Variants in PNLIP observed in about 807,000 individuals in gnomAD.
PNLIP encodes the protein pancreatic triacylglycerol lipase.
In PNLIP, 49 loss-of-function variants were observed where a neutral mutation model predicts 57.1. That is an observed-to-expected ratio of 0.86 (90% CI 0.68 to 1.09). The LOEUF is 1.09. Ranked by LOEUF, PNLIP falls within the 50% of genes least tolerant of loss-of-function variation. The pLI is 0.00. For missense variants in PNLIP, 503 were observed against 570.2 expected (o/e 0.88, Z 1.20); for synonymous variants, 209 against 200.4 (o/e 1.04, Z -0.36).
At chr10:116,553,617 T>A in intron 5 of PNLIP, 110 bp from the exon 6 acceptor site, 1 of 716,832 alleles carries the variant, frequency 1.4e-6, no homozygotes, top group East Asian at 2.7e-5. Flanking sequence ...TTTATGATGT[T>A]CCCACAACAA....
chr10:116,562,163 A>C (rs987819349), intron 12 of PNLIP, among the ~76,000 whole-genome samples: 1 of 152,212 alleles, frequency 6.6e-6, no homozygotes, highest in African/African-American at 2.4e-5. Flanking sequence ...GGTGATAATC[A>C]TAACAATACC....
At chr10:116,552,661 C>T (rs567626662) in intron 5 of PNLIP, among the ~76,000 whole-genome samples, 250 of 152,016 alleles carry the variant, frequency 1.6e-3, no homozygotes, top group Non-Finnish European at 2.8e-3. Flanking sequence ...CCGAGGCGGG[C>T]GGATCATGAG....
chr10:116,563,069 A>T (rs757438382), intron 12 of PNLIP, among the ~76,000 whole-genome samples: 1 of 152,222 alleles, frequency 6.6e-6, no homozygotes, highest in African/African-American at 2.4e-5. Context: ...TCGACACCAA[A>T]ACAAAACTGA....
intron 12 of PNLIP, among the ~76,000 whole-genome samples, chr10:116,563,541 C>T (rs1847336043): frequency 6.6e-6 from 1 of 152,090 alleles, no homozygotes; most frequent in Non-Finnish European, 1.5e-5. Flanking sequence ...ATCCCTCGCC[C>T]CTCCCACTCT....
At position 116,562,183 on chromosome 10, in the gene PNLIP, C is replaced by T. The variant is rs1476696125; in HGVS notation, c.1334+547C>T. On this transcript the variant is annotated intron_variant, in intron 12 of 12. Transcript: ENST00000369221. ...TAATCATAACAATACCAATACTAGA[C>T]CAAGTATTTCTGAGTATTAGGCCAA... Among the ~76,000 whole-genome samples, 4 of 152,238 alleles carry T rather than the reference C, an allele frequency of 2.6e-5. No homozygotes were observed. The East Asian group carries it at 7.7e-4, about 29-fold the overall frequency.
Position 116,560,551 on chromosome 10 carries a change from T to A in PNLIP, c.1169+27T>A, listed in dbSNP as rs749680680. 10 of 124,632 alleles carry A rather than the reference T, an allele frequency of 8.0e-5. No homozygotes were observed. In the East Asian group the frequency reaches 1.5e-3, roughly 19 times the overall value. 7.7% of individuals were successfully genotyped at this position (124,632 alleles called of 1,614,324 possible). ...TGAGTAAAATAATATTGCTCTATGC[T>A]TTTTTTTTTTTTTTTTTTTGAGTCG... On this transcript the variant is annotated intron_variant, in intron 11 of 12. Transcript: ENST00000369221.
Position 116,547,442 on chromosome 10 carries a change from C to T in PNLIP, c.195C>T (p.Asn65=). ...FLLYTNENPN[N]FQEVAADSSS... Reference sequence around the variant, plus strand: ...TATATACTAATGAGAACCCAAACAACTTTCAAGTAAGAACTATCACTGTGT... The same window carrying T: ...TATATACTAATGAGAACCCAAACAATTTTCAAGTAAGAACTATCACTGTGT... The change falls in exon 3 of 13, where the codon AAC becomes AAT. Residue 65 remains asparagine (N), a synonymous_variant. Coordinates refer to ENST00000369221, the MANE Select transcript of PNLIP (RefSeq NM_000936.4). 1 of 1,611,634 alleles carries T rather than the reference C, an allele frequency of 6.2e-7. No individual in the cohort carries two copies. The highest frequency in any genetic ancestry group is 8.5e-7 in the Non-Finnish European group (1 of 1,179,248).
intron 5 of PNLIP, 150 bp from the exon 6 acceptor site, chr10:116,553,577 G>A: frequency 3.0e-6 from 2 of 655,768 alleles, no homozygotes; most frequent in Non-Finnish European, 5.5e-6. Context: ...TAGGTAGTAG[G>A]CTATGCCATC....
At chr10:116,548,295 C>T in intron 3 of PNLIP, 65 bp from the exon 4 acceptor site, 1 of 1,541,614 alleles carries the variant, frequency 6.5e-7, no homozygotes, top group Non-Finnish European at 8.9e-7. Context: ...TGCCCCTCTC[C>T]ATGTACAAAT....
intron 11 of PNLIP, 22 bp downstream of exon 11, chr10:116,560,546 T>C: frequency 1.1e-6 from 1 of 900,598 alleles, no homozygotes. Context: ...AATATTGCTC[T>C]ATGCTTTTTT....
intron 12 of PNLIP, among the ~76,000 whole-genome samples, chr10:116,565,830 GAC>G (rs984663408): frequency 2.6e-5 from 4 of 151,326 alleles, no homozygotes; most frequent in African/African-American, 9.7e-5. Flanking sequence ...TTTTTTTTGA[GAC>G]AGAGTCTTGC....
chr10:116,552,138 A>C (rs1847200284), intron 5 of PNLIP, among the ~76,000 whole-genome samples: 1 of 152,222 alleles, frequency 6.6e-6, no homozygotes, highest in South Asian at 2.1e-4. Flanking sequence ...TACCACATAT[A>C]ATTATGTACA....
intron 12 of PNLIP, among the ~76,000 whole-genome samples, chr10:116,563,960 T>A (rs1847339627): frequency 6.6e-6 from 1 of 152,146 alleles, no homozygotes; most frequent in South Asian, 2.1e-4. Flanking sequence ...AATAAGACCC[T>A]TTTTTAGGTC....
intron 12 of PNLIP, among the ~76,000 whole-genome samples, chr10:116,564,419 G>A (rs113613144): frequency 7.0e-4 from 106 of 152,126 alleles, no homozygotes; most frequent in Middle Eastern, 3.4e-3. Flanking sequence ...CTGTTAACCT[G>A]GAATTTATAC....
At chr10:116,559,331 A>AGC (rs761398566) in intron 10 of PNLIP, 48 bp downstream of exon 10, 1 of 1,385,008 alleles carries the variant, frequency 7.2e-7, no homozygotes, top group South Asian at 1.2e-5. Context: ...TATATATTTT[A>AGC]TTATTATGTC....
Position 116,558,355 on chromosome 10 carries a change from C to T in PNLIP, c.931-799C>T, listed in dbSNP as rs536460831. On this transcript the variant is annotated intron_variant, in intron 9 of 12. Transcript: ENST00000369221. ...GACTACAGGCGCCCGCCACCATGCC[C>T]GGCTAATTTTTTGTATTTTTAGTAG... 3.7e-3 allele frequency among the ~76,000 whole-genome samples: 568 copies of T among 151,616 alleles called. 5 individuals carry two copies. Among genetic ancestry groups the T allele is most frequent in the African/African-American group, 0.013 (518 of 41,336 alleles).
At chr10:116,566,123 T>C (rs978531567) in intron 12 of PNLIP, among the ~76,000 whole-genome samples, 2 of 152,212 alleles carry the variant, frequency 1.3e-5, no homozygotes, top group African/African-American at 4.8e-5. Flanking sequence ...GCAGCTTTTA[T>C]TGTAACAGCC....
At chr10:116,560,342 G>C in intron 10 of PNLIP, 74 bp from the exon 11 acceptor site, 1 of 718,478 alleles carries the variant, frequency 1.4e-6, no homozygotes, top group Non-Finnish European at 2.5e-6. Context: ...CGTGGCAGTA[G>C]TGGGATGCAA....
In PNLIP at chr10:116,559,282, A is replaced by G. The variant is rs1408765146; in HGVS notation, c.1059A>G (p.Ala353=). The change falls in exon 10 of 13, where the codon GCA becomes GCG. Residue 353 remains alanine (A), a splice_region_variant and synonymous_variant. Transcript: ENST00000369221. The part of the protein sequence containing the change: ...YLDTGDASNF[A]RWRYKVSVTL... The stretch of plus-strand genomic sequence containing the variant: ...ACACTGGTGATGCCAGTAATTTTGC[A>G]CGTAAGTTTCTGTTTTCTGTATCTT... 1 of 1,609,812 alleles carries G rather than the reference A, an allele frequency of 6.2e-7. No individual in the cohort carries two copies. Among genetic ancestry groups the G allele is most frequent in the Non-Finnish European group, 8.5e-7 (1 of 1,177,324 alleles).
Sources: allele counts gnomAD v4.1 joint callset (sites outside exome capture counted in the v4.1 genomes callset), GRCh38; gene constraint gnomAD v4.1.1; transcripts MANE v1.5; gene names NCBI Gene and HGNC (gene_info 2026-07-23, HGNC 2026-07-21).